Variants in ZNF331 observed in about 807,000 individuals in gnomAD.
ZNF331 encodes the protein C2H2-like zinc finger protein rearranged in thyroid adenomas.
ZNF331 carries 2 observed loss-of-function variants against 7.0 expected under a neutral mutation model. That is an observed-to-expected ratio of 0.29 (90% CI 0.12 to 0.90). The LOEUF is 0.90. Ranked by LOEUF, ZNF331 falls within the 40% of genes least tolerant of loss-of-function variation. ZNF331 has a pLI of 0.58. For synonymous variants in ZNF331, 196 were observed against 205.4 expected (o/e 0.95, Z 0.39); for missense variants, 432 against 587.7 (o/e 0.74, Z 2.74).
the ZNF331 span, among the ~76,000 whole-genome samples, chr19:53,506,478 C>G: frequency 4.6e-3 from 606 of 133,168 alleles, 2 homozygotes; most frequent in Non-Finnish European, 7.9e-3. Context: ...CTCTCTCTCT[C>G]TCTGTCTGTC....
chr19:53,506,369 C>A, the ZNF331 span, among the ~76,000 whole-genome samples: 1 of 149,864 alleles, frequency 6.7e-6, no homozygotes, highest in South Asian at 2.1e-4. Flanking sequence ...AATCACACCT[C>A]CCCCATTGTC....
At chr19:53,572,379 G>C (rs2090485245) in intron 5 of ZNF331, among the ~76,000 whole-genome samples, 1 of 151,888 alleles carries the variant, frequency 6.6e-6, no homozygotes, top group Non-Finnish European at 1.5e-5. Context: ...TGTAATCCCA[G>C]CTACTCGGGA....
At chr19:53,516,713 C>G (rs528639075), upstream of ZNF331, among the ~76,000 whole-genome samples, 1 of 152,268 alleles carries the variant, frequency 6.6e-6, no homozygotes, top group East Asian at 1.9e-4. Flanking sequence ...GGCCCCTAAA[C>G]AGCACAAGAA....
rs183054273 is a variant in ZNF331, at chr19:53,540,369, G to A, written c.-138+1087G>A. 2.2e-4 allele frequency among the ~76,000 whole-genome samples: 34 copies of A among 152,276 alleles called. No homozygotes were observed. The East Asian group carries it at 6.4e-3, about 29-fold the overall frequency. ...GTGTCCTCTCACGGAGGACATGTGT[G>A]TGCTTGGAGGCTCTTTGGCAGAGCT... is the stretch of plus-strand genomic sequence containing the variant. On this transcript the variant is annotated intron_variant, in intron 2 of 5. Transcript: ENST00000449416.
At chr19:53,565,099 A>C (rs1024617147) in intron 3 of ZNF331, among the ~76,000 whole-genome samples, 1 of 152,164 alleles carries the variant, frequency 6.6e-6, no homozygotes, top group African/African-American at 2.4e-5. Context: ...TTGGAATGAG[A>C]GTCTGATTCA....
At chr19:53,563,085 A>AC (rs1158280740) in intron 3 of ZNF331, among the ~76,000 whole-genome samples, 8 of 135,290 alleles carry the variant, frequency 5.9e-5, no homozygotes, top group Non-Finnish European at 1.1e-4. Flanking sequence ...TGGATTCCAC[A>AC]CCCCCCCACC....
chr19:53,576,617 A>G (rs1443438768), intron 5 of ZNF331, 80 bp from the exon 6 acceptor site: 3 of 1,231,220 alleles, frequency 2.4e-6, no homozygotes, highest in East Asian at 2.3e-5. Flanking sequence ...TATTTCTATT[A>G]GACGAGTTTT....
chr19:53,538,800 C>T (rs934135979), intron 1 of ZNF331: 3 of 152,696 alleles, frequency 2.0e-5, no homozygotes, highest in East Asian at 1.9e-4. Flanking sequence ...GTGTGTGTGA[C>T]AGTGCAACTT....
the ZNF331 span, among the ~76,000 whole-genome samples, chr19:53,506,452 C>CTG: frequency 7.7e-5 from 7 of 91,118 alleles, no homozygotes; most frequent in South Asian, 4.4e-4. Context: ...CTGTCTCTCT[C>CTG]TCTCTCTCTC....
chr19:53,557,894 G>A (rs2089538778), intron 3 of ZNF331, among the ~76,000 whole-genome samples: 1 of 152,148 alleles, frequency 6.6e-6, no homozygotes, highest in Non-Finnish European at 1.5e-5. Context: ...AACCTGGGAG[G>A]CTGTGAACCT....
At position 53,559,122 on chromosome 19, in the gene ZNF331, TACAC is replaced by T. The variant is rs532440017; in HGVS notation, c.-74+3221_-74+3224del. On this transcript the variant is annotated intron_variant, in intron 3 of 5. Coordinates refer to ENST00000449416, the MANE Select transcript of ZNF331 (RefSeq NM_001079906.2). The stretch of plus-strand genomic sequence containing the variant: ...GAGACACATATATACACACCATACA[TACAC>T]ACACACCCCATGTACACACACATAT... 1.5e-3 allele frequency among the ~76,000 whole-genome samples: 189 copies of T among 124,624 alleles called. 4 individuals are homozygous for T. Among genetic ancestry groups the T allele is most frequent in the Middle Eastern group, 0.012 (2 of 170 alleles). The allele number at this position is 124,624 out of a possible 152,430, so 81.8% of individuals were successfully genotyped here.
intron 3 of ZNF331, among the ~76,000 whole-genome samples, chr19:53,566,144 A>G (rs971864003): frequency 6.6e-6 from 1 of 152,052 alleles, no homozygotes; most frequent in African/African-American, 2.4e-5. Flanking sequence ...AGGACAGGTT[A>G]GCAGGGCACC....
intron 3 of ZNF331, among the ~76,000 whole-genome samples, chr19:53,568,257 A>G (rs938380261): frequency 6.6e-6 from 1 of 152,074 alleles, no homozygotes; most frequent in African/African-American, 2.4e-5. Flanking sequence ...AAAAAAAAAA[A>G]AAAGTACGTA....
At chr19:53,533,779 A>G (rs999742562), upstream of ZNF331, among the ~76,000 whole-genome samples, 3 of 152,242 alleles carry the variant, frequency 2.0e-5, no homozygotes, top group East Asian at 3.9e-4. Context: ...CTTAAATTCT[A>G]TTTTGTCTGA....
chr19:53,552,803 C>T (rs1003506272), intron 2 of ZNF331, among the ~76,000 whole-genome samples: 1 of 152,102 alleles, frequency 6.6e-6, no homozygotes, highest in African/African-American at 2.4e-5. Flanking sequence ...TGTTACTGAT[C>T]TTCAATAGTA....
At position 53,577,671 on chromosome 19, in the gene ZNF331, A is replaced by G; in HGVS notation, c.1111A>G (p.Thr371Ala). 6.2e-7 allele frequency: 1 copy of G among 1,614,118 alleles called. No homozygotes were observed. Among genetic ancestry groups the G allele is most frequent in the Non-Finnish European group, 8.5e-7 (1 of 1,180,020 alleles). The change falls in exon 6 of 6, where the codon ACT (threonine) becomes GCT (alanine). Residue 371 changes from threonine to alanine, a missense_variant. Physicochemically the swap from Thr to Ala is moderately conservative, Grantham distance 58. Around this residue, in one of 3 missense-constraint regions of ZNF331, gnomAD observed 312 missense variants for 448.6 expected, o/e 0.70. Transcript: ENST00000449416. ...GGCCTTCAATTGTGGCTATCACCTC[A>G]CTCAGCACGAGAGAATCCACACAGG... ...GKAFNCGYHLTQHERIHTGET... is the reference protein window; with the variant it reads ...GKAFNCGYHLAQHERIHTGET...
the ZNF331 span, chr19:53,512,673 G>A: frequency 6.7e-6 from 1 of 150,046 alleles, no homozygotes; most frequent in African/African-American, 2.4e-5. Flanking sequence ...TGGCCTGTTA[G>A]GAACTGGACC....
At position 53,539,637 on chromosome 19, in the gene ZNF331, A is replaced by G. The variant is rs2087995262; in HGVS notation, c.-138+355A>G. 1 of 152,226 alleles carries G rather than the reference A, an allele frequency of 6.6e-6. No homozygotes were observed. Among genetic ancestry groups the G allele is most frequent in the Non-Finnish European group, 1.5e-5 (1 of 68,058 alleles). The allele number at this position is 152,226 out of a possible 1,614,324, so 9.4% of individuals were successfully genotyped here. ...ATCCTTAACCTGAGGGCCTGCCTTT[A>G]ACTCCACTTACAACTTTCCAAGGGA... On this transcript the variant is annotated intron_variant, in intron 2 of 5. Transcript: ENST00000449416. The surrounding 1 kb of genome is among the most constrained non-coding windows in gnomAD (Gnocchi z 6.1).
chr19:53,550,622 C>T (rs1415986821), intron 2 of ZNF331, among the ~76,000 whole-genome samples: 5 of 139,674 alleles, frequency 3.6e-5, no homozygotes, highest in East Asian at 2.3e-4. Flanking sequence ...CTGCAACTTC[C>T]GCCTCCCAAG....
Sources: allele counts gnomAD v4.1 joint callset (sites outside exome capture counted in the v4.1 genomes callset), GRCh38; gene constraint gnomAD v4.1.1; regional missense constraint gnomAD v4.1.1; non-coding constraint Gnocchi (gnomAD v3.1); transcripts MANE v1.5; gene names NCBI Gene and HGNC (gene_info 2026-07-23, HGNC 2026-07-21).